The following CLVS1 variants were observed in gnomAD, a reference collection of about 807,000 sequenced individuals.
CLVS1 encodes the protein clavesin 1.
Under a neutral mutation model 33.1 loss-of-function variants are expected in CLVS1, and 10 were observed. The observed-to-expected ratio is 0.30, with a 90% CI of 0.19 to 0.51. The LOEUF is 0.51. Ranked by LOEUF, CLVS1 falls within the 20% of genes least tolerant of loss-of-function variation. The pLI is 0.97. For synonymous variants in CLVS1, 163 were observed against 166.1 expected, an observed-to-expected ratio of 0.98 and a Z score of 0.14; for missense variants, 343 against 433.4, an observed-to-expected ratio of 0.79 and a Z score of 1.85.
chr8:61,120,684 C>G (rs887724456), intron 1 of CLVS1, among the ~76,000 whole-genome samples: 1 of 138,328 alleles, frequency 7.2e-6, no homozygotes, highest in Non-Finnish European at 1.6e-5. Context: ...TTAGGCTGCT[C>G]AGGGGTCAGG....
At chr8:61,448,712 A>T (rs78278974) in intron 3 of CLVS1, among the ~76,000 whole-genome samples, 1 of 102,524 alleles carries the variant, frequency 9.8e-6, no homozygotes, top group Admixed American at 8.9e-5. Context: ...CCTCTCTCTC[A>T]AAAAAAAAAA....
At chr8:61,172,929 C>T (rs1807035229) in intron 2 of CLVS1, among the ~76,000 whole-genome samples, 2 of 152,168 alleles carry the variant, frequency 1.3e-5, no homozygotes, top group African/African-American at 2.4e-5. Flanking sequence ...TGGCACAAAT[C>T]ACTTCTCATA....
intron 2 of CLVS1, among the ~76,000 whole-genome samples, chr8:61,249,324 T>G (rs1484804333): frequency 6.6e-6 from 1 of 152,244 alleles, no homozygotes; most frequent in Non-Finnish European, 1.5e-5. Context: ...CTATCACTGA[T>G]GGACATTTGG....
the CLVS1 span, among the ~76,000 whole-genome samples, chr8:60,997,258 T>C: frequency 6.6e-6 from 1 of 152,068 alleles, no homozygotes; most frequent in Non-Finnish European, 1.5e-5. Flanking sequence ...GGAATTCTAA[T>C]GATGAGAAGC....
chr8:61,064,882 T>C (rs1185847799), intron 1 of CLVS1, among the ~76,000 whole-genome samples: 3 of 152,196 alleles, frequency 2.0e-5, no homozygotes, highest in East Asian at 1.9e-4. Context: ...TTTATATTTT[T>C]AGTAGAGACA....
chr8:60,973,822 C>T, the CLVS1 span, among the ~76,000 whole-genome samples: 1 of 152,224 alleles, frequency 6.6e-6, no homozygotes, highest in Non-Finnish European at 1.5e-5. Flanking sequence ...CTGCTGATCG[C>T]CAGTTTCAGG....
At chr8:61,136,529 T>G (rs1806193221) in intron 2 of CLVS1, among the ~76,000 whole-genome samples, 1 of 152,218 alleles carries the variant, frequency 6.6e-6, no homozygotes. Flanking sequence ...TCATGTCCTT[T>G]GCAGGGACAT....
At chr8:61,013,773 G>C in the CLVS1 span, among the ~76,000 whole-genome samples, 1 of 152,218 alleles carries the variant, frequency 6.6e-6, no homozygotes, top group Non-Finnish European at 1.5e-5. Context: ...GGGGGAAAAA[G>C]TAAGAATATA....
At chr8:61,431,438 T>C (rs1816110467) in intron 3 of CLVS1, among the ~76,000 whole-genome samples, 1 of 152,214 alleles carries the variant, frequency 6.6e-6, no homozygotes, top group Non-Finnish European at 1.5e-5. Context: ...ATCAATACTG[T>C]GCAGCACTTA....
At chr8:61,294,749 T>G (rs1213094791) in intron 1 of CLVS1, among the ~76,000 whole-genome samples, 1 of 148,488 alleles carries the variant, frequency 6.7e-6, no homozygotes, top group Non-Finnish European at 1.5e-5. Context: ...TTGTATGTGT[T>G]TCTGAAGATT....
chr8:61,280,172 G>A (rs990958602), intron 2 of CLVS1, among the ~76,000 whole-genome samples: 1 of 152,180 alleles, frequency 6.6e-6, no homozygotes, highest in Admixed American at 6.5e-5. Context: ...AATTCAAAAT[G>A]ATGTCGAATT....
chr8:61,266,581 T>A (rs1809307655), intron 2 of CLVS1, among the ~76,000 whole-genome samples: 1 of 152,140 alleles, frequency 6.6e-6, no homozygotes, highest in Non-Finnish European at 1.5e-5. Context: ...TCCTCTTTCA[T>A]CCTATTTCTC....
At chr8:61,001,203 A>G in the CLVS1 span, among the ~76,000 whole-genome samples, 2 of 152,052 alleles carry the variant, frequency 1.3e-5, no homozygotes, top group African/African-American at 4.8e-5. Context: ...GGCTGGTCTC[A>G]CTTGAACTCC....
the CLVS1 span, among the ~76,000 whole-genome samples, chr8:60,973,350 T>C: frequency 2.0e-5 from 3 of 152,252 alleles, no homozygotes; most frequent in South Asian, 4.1e-4. Flanking sequence ...ATTTCAGAGA[T>C]AAACATTTGC....
upstream of CLVS1, among the ~76,000 whole-genome samples, chr8:61,286,806 C>A (rs887856460): frequency 3.9e-5 from 6 of 152,104 alleles, no homozygotes; most frequent in African/African-American, 1.4e-4. Context: ...GTAAGAAAAT[C>A]AAGTTATCTT....
chr8:60,984,244 A>G, the CLVS1 span, among the ~76,000 whole-genome samples: 1 of 150,212 alleles, frequency 6.7e-6, no homozygotes, highest in Admixed American at 6.6e-5. Flanking sequence ...TTAAGACCCT[A>G]TTGTCTTTAA....
chr8:61,298,802 G>T (rs547898584), intron 1 of CLVS1, among the ~76,000 whole-genome samples: 116 of 152,116 alleles, frequency 7.6e-4, no homozygotes, highest in Admixed American at 1.6e-3. Flanking sequence ...TACCATTTTG[G>T]TGGAGAAATC....
intron 1 of CLVS1, among the ~76,000 whole-genome samples, chr8:61,115,291 C>CTA (rs1377823560): frequency 6.6e-6 from 1 of 152,000 alleles, no homozygotes; most frequent in African/African-American, 2.4e-5. Context: ...GCATTTAGTA[C>CTA]AATGTCTAGC....
chr8:61,420,461 G>C (rs1438428249), intron 3 of CLVS1, among the ~76,000 whole-genome samples: 1 of 152,068 alleles, frequency 6.6e-6, no homozygotes, highest in Admixed American at 6.6e-5. Context: ...AATTAGCTGG[G>C]CATAGTGTCT....
Sources: gnomAD v4.1 joint callset for allele counts (sites outside exome capture counted in the v4.1 genomes callset) on GRCh38, gnomAD v4.1.1 for gene constraint, MANE v1.5 for transcripts, NCBI Gene and HGNC (gene_info 2026-07-23, HGNC 2026-07-21) for gene names.